AGBL4: variants seen among roughly 807,000 people sequenced by gnomAD.
AGBL4 encodes cytosolic carboxypeptidase 6.
Under a neutral mutation model 66.4 loss-of-function variants are expected in AGBL4, and 58 were observed. That is an observed-to-expected ratio of 0.87 (90% CI 0.71 to 1.09). The LOEUF is 1.09. Among genes scored for constraint, AGBL4 ranks in the 50% least tolerant of loss-of-function variants. The probability of loss-of-function intolerance (pLI) is 0.00; values close to 1 mark genes in which losing one functional copy is unlikely to be tolerated. For missense variants in AGBL4, 579 were observed against 631.0 expected (o/e 0.92, Z 0.88); for synonymous variants, 234 against 222.9 (o/e 1.05, Z -0.44).
chr1:48,761,303 A>G, intron 6 of AGBL4: 1 of 1,532,102 alleles, frequency 6.5e-7, no homozygotes, highest in Non-Finnish European at 8.8e-7. Flanking sequence ...AAAATGCTCC[A>G]GCATACCTCC....
Position 49,747,312 on chromosome 1 carries a change from G to T in AGBL4, c.158-49875C>A, listed in dbSNP as rs376982446. ...GCAAGTAGCATACCTAAATCTCCAG[G>T]ACTTATTACAGCCCTACCTCCACGA... On this transcript the variant is annotated intron_variant, in intron 2 of 13. Coordinates refer to ENST00000371839, the MANE Select transcript of AGBL4 (RefSeq NM_032785.4). Among the ~76,000 whole-genome samples, 8 of 152,026 alleles carry T rather than the reference G, an allele frequency of 5.3e-5. No individual in the cohort carries two copies. In the East Asian group the frequency reaches 1.2e-3, roughly 22 times the overall value.
At chr1:48,866,475 C>A (rs1648101097) in intron 6 of AGBL4, among the ~76,000 whole-genome samples, 1 of 152,116 alleles carries the variant, frequency 6.6e-6, no homozygotes, top group Non-Finnish European at 1.5e-5. Context: ...TGAAGATAAC[C>A]ACCACATCAA....
intron 3 of AGBL4, among the ~76,000 whole-genome samples, chr1:49,376,871 C>T (rs951760283): frequency 5.9e-5 from 9 of 152,060 alleles, no homozygotes; most frequent in African/African-American, 1.9e-4. Flanking sequence ...GAAAGGACCT[C>T]GCCCATATTG....
chr1:49,845,135 G>A (rs551443754), intron 2 of AGBL4: 103 of 1,400,460 alleles, frequency 7.4e-5, no homozygotes, highest in Non-Finnish European at 8.4e-5. Flanking sequence ...CAACACCACC[G>A]TACGCATACA....
chr1:48,835,851 A>G (rs1646658594), intron 6 of AGBL4, among the ~76,000 whole-genome samples: 1 of 152,174 alleles, frequency 6.6e-6, no homozygotes, highest in South Asian at 2.1e-4. Context: ...GTAATCACAG[A>G]AACCATGTAA....
At chr1:49,751,406 C>A (rs1376493578) in intron 2 of AGBL4, among the ~76,000 whole-genome samples, 1 of 152,124 alleles carries the variant, frequency 6.6e-6, no homozygotes, top group Admixed American at 6.6e-5. Context: ...TATGTTGAAC[C>A]AGCCTTGCAT....
intron 5 of AGBL4, among the ~76,000 whole-genome samples, chr1:48,990,662 T>C (rs1056353827): frequency 6.6e-6 from 1 of 152,092 alleles, no homozygotes; most frequent in Non-Finnish European, 1.5e-5. Flanking sequence ...GTGGTCTTTT[T>C]TTCCTTCTTG....
rs1022711429 is a variant in AGBL4, at chr1:49,291,802, C to A, written c.283-45938G>T. ...GGAGGCATGGCTGGGGCTGCACATTCCACAGAGCCAGAGGGAGCCAGGGAC... is the reference window on the plus strand; with the variant it reads ...GGAGGCATGGCTGGGGCTGCACATTACACAGAGCCAGAGGGAGCCAGGGAC... On this transcript the variant is annotated intron_variant, in intron 3 of 13. Coordinates refer to ENST00000371839, the MANE Select transcript of AGBL4 (RefSeq NM_032785.4). Among the ~76,000 whole-genome samples the A allele has an allele frequency of 1.1e-4, 16 of 152,306 alleles. No homozygotes were observed. In the East Asian group the frequency reaches 2.3e-3, roughly 22 times the overall value.
At chr1:49,851,689 T>C (rs537953460) in intron 1 of AGBL4, among the ~76,000 whole-genome samples, 171 bp from the exon 2 acceptor site, 3 of 152,114 alleles carry the variant, frequency 2.0e-5, no homozygotes, top group Admixed American at 1.3e-4. Context: ...AACAAAATGA[T>C]ATAGGGTCAA....
intron 2 of AGBL4, among the ~76,000 whole-genome samples, chr1:49,795,228 T>C (rs548827297): frequency 5.9e-5 from 9 of 151,966 alleles, no homozygotes; most frequent in Non-Finnish European, 1.3e-4. Flanking sequence ...CATTCTAAAG[T>C]ATATGAGGAC....
At chr1:49,269,668 A>G (rs1644010932) in intron 3 of AGBL4, among the ~76,000 whole-genome samples, 1 of 152,144 alleles carries the variant, frequency 6.6e-6, no homozygotes. Flanking sequence ...GTCCTGATTT[A>G]CCACCATAAC....
At chr1:49,237,072 G>A (rs1385933047) in intron 4 of AGBL4, among the ~76,000 whole-genome samples, 6 of 151,244 alleles carry the variant, frequency 4.0e-5, no homozygotes, top group African/African-American at 9.8e-5. Context: ...TGGCTAACAC[G>A]GTGAAACCCC....
rs1292646089 is a variant in AGBL4 at position 49,628,159 on chromosome 1, G to A, written c.282+69154C>T. On this transcript the variant is annotated intron_variant, in intron 3 of 13. Transcript: ENST00000371839. ...AGGCACATAATTCTCTACTGTGAAT[G>A]GTATATTCTTGGTCTAAAATCTCTG... 2.6e-5 allele frequency among the ~76,000 whole-genome samples: 4 copies of A among 152,010 alleles called. No individual in the cohort carries two copies. In the East Asian group the frequency reaches 7.7e-4, roughly 29 times the overall value.
rs529692511 is a variant in AGBL4 at position 49,386,125 on chromosome 1, C to T, written c.283-140261G>A. 4.6e-5 allele frequency among the ~76,000 whole-genome samples: 7 copies of T among 151,768 alleles called. No homozygotes were observed. The South Asian group carries it at 1.2e-3, about 27-fold the overall frequency. ...AATAATGACATTCGTATTCTTTGAC[C>T]CCATGATCTTACACTATTTCCCACA... is the stretch of plus-strand genomic sequence containing the variant. On this transcript the variant is annotated intron_variant, in intron 3 of 13. Transcript: ENST00000371839.
intron 9 of AGBL4, among the ~76,000 whole-genome samples, chr1:48,616,576 C>T (rs199550795): frequency 6.9e-4 from 105 of 152,288 alleles, no homozygotes; most frequent in African/African-American, 2.2e-3. Context: ...CTTCATCCCC[C>T]GAGCTTCATA....
intron 1 of AGBL4, among the ~76,000 whole-genome samples, chr1:49,955,643 G>C (rs1313769051): frequency 6.6e-6 from 1 of 151,844 alleles, no homozygotes; most frequent in African/African-American, 2.4e-5. Context: ...AAGTAGGGTA[G>C]AGCTCCATTT....
chr1:49,760,014 A>G (rs1283315045), intron 2 of AGBL4, among the ~76,000 whole-genome samples: 1 of 152,186 alleles, frequency 6.6e-6, no homozygotes, highest in Non-Finnish European at 1.5e-5. Context: ...GGTTGTGAAA[A>G]TATTTTGGAA....
intron 4 of AGBL4, among the ~76,000 whole-genome samples, chr1:49,074,181 G>T (rs1644665917): frequency 6.6e-6 from 1 of 152,192 alleles, no homozygotes; most frequent in South Asian, 2.1e-4. Flanking sequence ...GGCTCTGTGG[G>T]CATGGGACCT....
chr1:48,889,471 T>G (rs1266358679), intron 5 of AGBL4, among the ~76,000 whole-genome samples: 1 of 152,220 alleles, frequency 6.6e-6, no homozygotes, highest in Non-Finnish European at 1.5e-5. Context: ...CAGAGCTTAT[T>G]AGAAAATATT....
Sources: gnomAD v4.1 joint callset for allele counts (sites outside exome capture counted in the v4.1 genomes callset) on GRCh38, gnomAD v4.1.1 for gene constraint, MANE v1.5 for transcripts, NCBI Gene and HGNC (gene_info 2026-07-23, HGNC 2026-07-21) for gene names.